Variants in FGD4 observed in about 807,000 individuals in gnomAD.
FGD4 encodes FYVE, RhoGEF and PH domain containing 4.
A neutral mutation model predicts 102.0 loss-of-function variants in FGD4; 42 were observed. The ratio of observed to expected loss-of-function variants is 0.41; its 90% CI spans 0.32 to 0.53. FGD4 has a LOEUF of 0.53. FGD4 is among the 20% of genes least tolerant of loss of function. FGD4 has a pLI of 0.21. For synonymous variants in FGD4, 380 were observed against 375.7 expected (o/e 1.01, Z -0.13); for missense variants, 902 against 1,078.2 (o/e 0.84, Z 2.29).
At chr12:32,472,332 C>T (rs1372689130) in intron 1 of FGD4, among the ~76,000 whole-genome samples, 4 of 152,274 alleles carry the variant, frequency 2.6e-5, no homozygotes, top group African/African-American at 7.2e-5. Flanking sequence ...GTGGCGCTTG[C>T]GGGCCAGCTG....
chr12:32,594,935 G>A (rs7302880), intron 4 of FGD4, among the ~76,000 whole-genome samples: 13,552 of 151,758 alleles, frequency 0.089, 2,020 homozygotes, highest in African/African-American at 0.31. Flanking sequence ...GGGGGCTGAG[G>A]CAGGAGAATT....
intron 1 of FGD4, among the ~76,000 whole-genome samples, chr12:32,560,029 C>T (rs1331510449): frequency 6.6e-6 from 1 of 152,172 alleles, no homozygotes; most frequent in East Asian, 1.9e-4. Context: ...CCATCCTTCA[C>T]TAGACCCCGG....
chr12:32,520,431 TTG>T lies in FGD4; in HGVS notation c.167-43704_167-43703del, dbSNP rs202241960. On this transcript the variant is annotated intron_variant, in intron 1 of 16. Coordinates refer to ENST00000534526, the MANE Select transcript of FGD4 (RefSeq NM_001370298.3). ...ATTTTAAGTTCTATTGTGGGTTTTT[TTG>T]TTTTTTGTTTTTTTTTTTTAGAGAT... Among the ~76,000 whole-genome samples the T allele has an allele frequency of 5.2e-3, 620 of 118,436 alleles. 6 individuals are homozygous for T. Among genetic ancestry groups the T allele is most frequent in the African/African-American group, 0.02 (589 of 30,108 alleles). The allele number at this position is 118,436 out of a possible 152,430, so 77.7% of individuals were successfully genotyped here.
At chr12:32,527,228 T>C (rs117005333) in intron 1 of FGD4, among the ~76,000 whole-genome samples, 2,234 of 152,310 alleles carry the variant, frequency 0.015, 24 homozygotes, top group Non-Finnish European at 0.022. Context: ...TGAATTATGA[T>C]AGAGTTAAAC....
chr12:32,436,978 G>A (rs1168530351), intron 1 of FGD4, among the ~76,000 whole-genome samples: 3 of 151,934 alleles, frequency 2.0e-5, no homozygotes, highest in Admixed American at 6.6e-5. Flanking sequence ...GCATGGTGGC[G>A]GGCGCCTGTA....
chr12:32,523,847 A>G (rs1006110154), intron 1 of FGD4, among the ~76,000 whole-genome samples: 9 of 151,678 alleles, frequency 5.9e-5, no homozygotes, highest in Non-Finnish European at 1.2e-4. Context: ...GCGTTGTGGC[A>G]GGCACCTGTA....
At chr12:32,486,160 A>C in intron 1 of FGD4, 1 of 1,523,642 alleles carries the variant, frequency 6.6e-7, no homozygotes. Flanking sequence ...ATTGTTTTGC[A>C]ATTGCCATTT....
intron 1 of FGD4, among the ~76,000 whole-genome samples, chr12:32,480,715 G>A (rs530204523): frequency 1.9e-4 from 28 of 151,226 alleles, no homozygotes; most frequent in Admixed American, 5.9e-4. Context: ...TGGCCAGGAT[G>A]CTCTTGCTCT....
intron 1 of FGD4, among the ~76,000 whole-genome samples, chr12:32,405,977 C>G (rs1204925178): frequency 1.3e-5 from 2 of 151,376 alleles, no homozygotes; most frequent in East Asian, 3.9e-4. Context: ...GAGTTTTGCT[C>G]TTGTTGCCCA....
At chr12:32,502,848 G>A (rs1307794620) in intron 1 of FGD4, among the ~76,000 whole-genome samples, 1 of 152,124 alleles carries the variant, frequency 6.6e-6, no homozygotes, top group Non-Finnish European at 1.5e-5. Flanking sequence ...AAGTTTCAAG[G>A]GCCTGAGCAT....
Position 32,551,438 on chromosome 12 carries a change from T to A in FGD4, c.167-12699T>A, listed in dbSNP as rs188831518. Among the ~76,000 whole-genome samples, 236 of 152,304 alleles carry A rather than the reference T, an allele frequency of 1.5e-3. 1 individual carries two copies. Among genetic ancestry groups the A allele is most frequent in the African/African-American group, 5.4e-3 (225 of 41,572 alleles). ...TCACAGCAACCTAGGTGGATACTAT[T>A]ATGAATCCTATGAATTTTCATTTAT... On this transcript the variant is annotated intron_variant, in intron 1 of 16. Transcript: ENST00000534526.
At chr12:32,425,816 A>G (rs1941811379) in intron 1 of FGD4, among the ~76,000 whole-genome samples, 1 of 152,136 alleles carries the variant, frequency 6.6e-6, no homozygotes, top group Non-Finnish European at 1.5e-5. Context: ...ATTCCTAGGT[A>G]TTTTATTCTC....
chr12:32,608,087 A>T lies in FGD4; in HGVS notation c.1535A>T (p.Asp512Val), dbSNP rs754600353. ...CCTCCTGATTCCCTGGACTGGAATGATGCTAAAAGTAAATGCTTTTTTTTT... is the reference window on the plus strand; with the variant it reads ...CCTCCTGATTCCCTGGACTGGAATGTTGCTAAAAGTAAATGCTTTTTTTTT... The part of the protein sequence containing the change: ...KLPPDSLDWN[D>V]AKKSLEIIST... The change falls in exon 8 of 17, where the codon GAT (aspartate) becomes GTT (valine). Residue 512 changes from aspartate (D) to valine (V), a missense_variant. Coordinates refer to ENST00000534526, the MANE Select transcript of FGD4 (RefSeq NM_001370298.3). 1.2e-6 allele frequency: 2 copies of T among 1,614,192 alleles called. No individual in the cohort carries two copies. Among genetic ancestry groups the T allele is most frequent in the Non-Finnish European group, 1.7e-6 (2 of 1,180,022 alleles).
intron 11 of FGD4, among the ~76,000 whole-genome samples, chr12:32,624,220 T>C (rs190883842): frequency 1.1e-4 from 17 of 152,324 alleles, no homozygotes; most frequent in African/African-American, 3.8e-4. Context: ...ATTTTATGTG[T>C]ACCAAAGTCA....
At chr12:32,459,251 C>A (rs999391316) in intron 1 of FGD4, among the ~76,000 whole-genome samples, 1 of 139,206 alleles carries the variant, frequency 7.2e-6, no homozygotes, top group African/African-American at 2.6e-5. Flanking sequence ...TGGAATCCAT[C>A]GATACACTCT....
chr12:32,610,709 A>G (rs1219512120), intron 8 of FGD4, 67 bp from the exon 9 acceptor site: 1 of 1,403,758 alleles, frequency 7.1e-7, no homozygotes, highest in East Asian at 2.3e-5. Flanking sequence ...TTAGTAAGTT[A>G]CTCAGCTATA....
At position 32,633,679 on chromosome 12, in the gene FGD4, G is replaced by C; in HGVS notation, c.2303G>C (p.Gly768Ala). The change falls in exon 15 of 17, where the codon GGA (glycine) becomes GCA (alanine). Residue 768 changes from glycine to alanine, a missense_variant. By Grantham distance (60) the Gly-to-Ala change is moderately conservative. Around this residue, in one of 2 missense-constraint regions of FGD4, gnomAD observed 459 missense variants for 619.0 expected, o/e 0.74. Transcript: ENST00000534526. ...GACAGTGAAGAAAAGAAAAGAAAAG[G>C]AATTTTAGAGGTAAGAAATATTAAA... ...FTDSEEKKRK[G>A]ILEIESAEVS... 6.3e-7 allele frequency: 1 copy of C among 1,592,794 alleles called. No homozygotes were observed.
chr12:32,428,130 A>C (rs367912049), intron 1 of FGD4, among the ~76,000 whole-genome samples: 96 of 152,200 alleles, frequency 6.3e-4, no homozygotes, highest in African/African-American at 2.3e-3. Context: ...TATTTTGCCC[A>C]TTAGTTGATG....
intron 1 of FGD4, among the ~76,000 whole-genome samples, chr12:32,478,136 T>TTTATTTTC (rs1943628265): frequency 6.6e-6 from 1 of 152,244 alleles, no homozygotes; most frequent in African/African-American, 2.4e-5. Flanking sequence ...GTCTTTGACC[T>TTTATTTTC]TTATTTTCTT....
Sources: allele counts gnomAD v4.1 joint callset (sites outside exome capture counted in the v4.1 genomes callset), GRCh38; gene constraint gnomAD v4.1.1; regional missense constraint gnomAD v4.1.1; transcripts MANE v1.5; gene names NCBI Gene and HGNC (gene_info 2026-07-23, HGNC 2026-07-21).